ARB2A: variants seen among roughly 807,000 people sequenced by gnomAD.
ARB2A encodes cotranscriptional regulator ARB2A.
the ARB2A span, among the ~76,000 whole-genome samples, chr5:94,046,547 C>T: frequency 1.3e-5 from 2 of 152,122 alleles, no homozygotes; most frequent in Non-Finnish European, 2.9e-5. Context: ...CCCAGGAAGG[C>T]GCCAACTTAA....
the ARB2A span, among the ~76,000 whole-genome samples, chr5:93,757,421 T>C: frequency 9.9e-5 from 15 of 152,128 alleles, no homozygotes; most frequent in African/African-American, 2.4e-4. Context: ...CCTAGGCACA[T>C]TGTCCTCAGG....
chr5:94,010,793 T>A, the ARB2A span, among the ~76,000 whole-genome samples: 1 of 152,018 alleles, frequency 6.6e-6, no homozygotes. Context: ...GGTTTTTCTA[T>A]TTTACATAAA....
chr5:94,086,534 C>T, the ARB2A span, among the ~76,000 whole-genome samples: 9 of 151,992 alleles, frequency 5.9e-5, no homozygotes, highest in Admixed American at 1.3e-4. Context: ...AGATAATAAA[C>T]GACTAGGTGA....
chr5:93,965,784 A>G, the ARB2A span, among the ~76,000 whole-genome samples: 1 of 152,018 alleles, frequency 6.6e-6, no homozygotes, highest in South Asian at 2.1e-4. Flanking sequence ...TAAGATGTCA[A>G]TTGCTTTGGT....
chr5:94,040,867 G>C, the ARB2A span, among the ~76,000 whole-genome samples: 1 of 152,130 alleles, frequency 6.6e-6, no homozygotes, highest in Non-Finnish European at 1.5e-5. Flanking sequence ...TTTGATATTG[G>C]GTGCTAAGCA....
the ARB2A span, among the ~76,000 whole-genome samples, chr5:93,744,857 G>T: frequency 6.6e-6 from 1 of 152,178 alleles, no homozygotes; most frequent in Non-Finnish European, 1.5e-5. Flanking sequence ...AATCAGGCCA[G>T]TCTTATCCAT....
chr5:93,652,749 C>T, the ARB2A span, among the ~76,000 whole-genome samples: 150 of 152,284 alleles, frequency 9.9e-4, no homozygotes, highest in African/African-American at 3.4e-3. Flanking sequence ...TACACTATGA[C>T]ACACAGAAGG....
the ARB2A span, among the ~76,000 whole-genome samples, chr5:93,908,126 C>G: frequency 6.6e-6 from 1 of 150,950 alleles, no homozygotes; most frequent in Non-Finnish European, 1.5e-5. Flanking sequence ...ATACAGCAAG[C>G]ATTCAATACA....
At chr5:93,760,570 C>T in the ARB2A span, among the ~76,000 whole-genome samples, 2 of 152,100 alleles carry the variant, frequency 1.3e-5, no homozygotes, top group South Asian at 2.1e-4. Flanking sequence ...ATCAATGGAA[C>T]AGAATAGAGA....
At chr5:93,801,145 C>T in the ARB2A span, among the ~76,000 whole-genome samples, 1 of 152,272 alleles carries the variant, frequency 6.6e-6, no homozygotes, top group East Asian at 1.9e-4. Flanking sequence ...ATCACACTTG[C>T]TGGCTAGAAG....
At chr5:94,015,383 C>A in the ARB2A span, among the ~76,000 whole-genome samples, 2 of 151,312 alleles carry the variant, frequency 1.3e-5, no homozygotes, top group Non-Finnish European at 2.9e-5. Flanking sequence ...ACTCATCTTA[C>A]AAGAAACACA....
At chr5:93,787,665 G>A in the ARB2A span, among the ~76,000 whole-genome samples, 9 of 151,898 alleles carry the variant, frequency 5.9e-5, no homozygotes, top group African/African-American at 2.2e-4. Context: ...TGTATTACAC[G>A]AGGTCTACTT....
the ARB2A span, among the ~76,000 whole-genome samples, chr5:93,706,186 T>A: frequency 6.6e-6 from 1 of 152,214 alleles, no homozygotes; most frequent in Admixed American, 6.5e-5. Flanking sequence ...ATGTGGTGTA[T>A]CTATACAATA....
the ARB2A span, among the ~76,000 whole-genome samples, chr5:93,885,606 T>C: frequency 6.6e-6 from 1 of 151,656 alleles, no homozygotes; most frequent in African/African-American, 2.4e-5. Context: ...AATTAACTCA[T>C]GTTTGATCAC....
chr5:94,095,604 G>A, the ARB2A span, among the ~76,000 whole-genome samples: 1 of 151,200 alleles, frequency 6.6e-6, no homozygotes, highest in African/African-American at 2.4e-5. Context: ...ATGTCTTTCT[G>A]CTTTATTTTA....
At chr5:93,628,789 G>A in the ARB2A span, among the ~76,000 whole-genome samples, 1 of 152,148 alleles carries the variant, frequency 6.6e-6, no homozygotes, top group Non-Finnish European at 1.5e-5. Context: ...TAGGGTCTTG[G>A]TCTGGATTAA....
the ARB2A span, among the ~76,000 whole-genome samples, chr5:93,921,931 C>A: frequency 5.3e-5 from 8 of 152,036 alleles, no homozygotes; most frequent in African/African-American, 1.2e-4. Flanking sequence ...CCATCCAGAC[C>A]CCCAAGAGTT....
the ARB2A span, among the ~76,000 whole-genome samples, chr5:94,019,835 C>A: frequency 2.0e-5 from 3 of 152,110 alleles, no homozygotes; most frequent in Non-Finnish European, 2.9e-5. Context: ...TGACTTCACC[C>A]CTCCAGGCAT....
chr5:93,689,793 A>G, the ARB2A span, among the ~76,000 whole-genome samples: 2 of 152,034 alleles, frequency 1.3e-5, no homozygotes, highest in South Asian at 4.2e-4. Context: ...CCTGGGTTCA[A>G]GTGATTCTCC....
Sources: allele counts gnomAD v4.1 joint callset (sites outside exome capture counted in the v4.1 genomes callset), GRCh38; gene constraint gnomAD v4.1.1; transcripts MANE v1.5; gene names NCBI Gene and HGNC (gene_info 2026-07-23, HGNC 2026-07-21).